PLEKHH2: variants seen among roughly 807,000 people sequenced by gnomAD.
PLEKHH2 encodes the protein pleckstrin homology domain-containing family H member 2.
A neutral mutation model predicts 187.9 loss-of-function variants in PLEKHH2; 129 were observed. The ratio of observed to expected loss-of-function variants is 0.69; its 90% confidence interval spans 0.59 to 0.79. PLEKHH2 has a LOEUF of 0.79. PLEKHH2 is among the 30% of genes least tolerant of loss of function. PLEKHH2 has a pLI of 0.00. For synonymous variants in PLEKHH2, 686 were observed against 605.6 expected (o/e 1.13, Z -1.95); for missense variants, 2,076 against 1,751.2 (o/e 1.19, Z -3.31).
intron 1 of PLEKHH2, among the ~76,000 whole-genome samples, chr2:43,642,881 A>G (rs757772441): frequency 1.1e-4 from 17 of 152,154 alleles, no homozygotes; most frequent in Admixed American, 2.0e-4. Flanking sequence ...ACCAGTATTA[A>G]CCTATTAACA....
At chr2:43,737,148 A>G (rs1671332838) in intron 19 of PLEKHH2, among the ~76,000 whole-genome samples, 1 of 152,188 alleles carries the variant, frequency 6.6e-6, no homozygotes, top group African/African-American at 2.4e-5. Flanking sequence ...GAAACTTAAA[A>G]CAGACCTTGG....
intron 17 of PLEKHH2, among the ~76,000 whole-genome samples, chr2:43,728,562 C>CT (rs112664271): frequency 2.2e-3 from 296 of 135,774 alleles, no homozygotes; most frequent in East Asian, 4.3e-3. Flanking sequence ...ACACAATACT[C>CT]TTTTTTTTTT....
Position 43,729,629 on chromosome 2 carries a change from G to C in PLEKHH2, c.2722-8G>C. The C allele has an allele frequency of 6.4e-7, 1 of 1,567,690 alleles. No homozygotes were observed. The highest frequency in any genetic ancestry group is 8.6e-7 in the Non-Finnish European group (1 of 1,157,468). On this transcript the variant is annotated splice_region_variant and splice_polypyrimidine_tract_variant and intron_variant, in intron 17 of 29. Coordinates refer to ENST00000282406, the MANE Select transcript of PLEKHH2 (RefSeq NM_172069.4). ...CTTAACATTTAATTAATATGTTCTG[G>C]TTTTAAGGACACTTGGCTTTATCAT...
chr2:43,715,826 G>A lies in PLEKHH2; in HGVS notation c.2460+3443G>A, dbSNP rs547359282. ...AGGCAGCAGACCACCAGTCTACATCGGAGAAGAGTGCTGGAGGGCTGGATT... is the reference window on the plus strand; with the variant it reads ...AGGCAGCAGACCACCAGTCTACATCAGAGAAGAGTGCTGGAGGGCTGGATT... On this transcript the variant is annotated intron_variant, in intron 15 of 29. Coordinates refer to ENST00000282406, the MANE Select transcript of PLEKHH2 (RefSeq NM_172069.4). Among the ~76,000 whole-genome samples, 7 of 152,258 alleles carry A rather than the reference G, an allele frequency of 4.6e-5. 1 individual carries two copies. In the East Asian group the frequency reaches 5.8e-4, roughly 13 times the overall value.
intron 3 of PLEKHH2, among the ~76,000 whole-genome samples, chr2:43,685,467 A>G (rs550457080): frequency 9.7e-4 from 147 of 152,282 alleles, no homozygotes; most frequent in African/African-American, 3.3e-3. Flanking sequence ...TTGCTCTGTC[A>G]TCCAGGCTGG....
intron 20 of PLEKHH2, 51 bp downstream of exon 20, chr2:43,738,571 C>G (rs1243732748): frequency 2.1e-6 from 3 of 1,399,486 alleles, no homozygotes. Context: ...GTTTTTTTTT[C>G]TGATTGTAAG....
chr2:43,666,920 T>C (rs1374542800), intron 2 of PLEKHH2, among the ~76,000 whole-genome samples: 1 of 152,170 alleles, frequency 6.6e-6, no homozygotes, highest in Non-Finnish European at 1.5e-5. Context: ...AGTATTGGCT[T>C]AGTAATAGTA....
intron 2 of PLEKHH2, chr2:43,675,753 C>T (rs1363402808): frequency 6.2e-7 from 1 of 1,613,688 alleles, no homozygotes; most frequent in Admixed American, 1.7e-5. Context: ...TTTTCATCAA[C>T]TCTCTGCTTA....
intron 14 of PLEKHH2, chr2:43,711,946 G>A: frequency 4.5e-6 from 5 of 1,115,138 alleles, no homozygotes; most frequent in South Asian, 2.3e-5. Flanking sequence ...AAGCAAGAAA[G>A]GGAAAATGTG....
chr2:43,758,936 C>T lies in PLEKHH2; in HGVS notation c.3978C>T (p.Ala1326=), dbSNP rs1002797113. ...LCQRLSTRWM[A]LRGHSAADCV... ...AGCGACTTTCAACCAGATGGATGGC[C>T]CTCCGGGGACACAGTGCTGCTGACT... The change falls in exon 27 of 30, where the codon GCC becomes GCT. Residue 1326 remains alanine, a synonymous_variant. Coordinates refer to ENST00000282406, the MANE Select transcript of PLEKHH2 (RefSeq NM_172069.4). 1.2e-6 allele frequency: 2 copies of T among 1,601,210 alleles called. No homozygotes were observed. Among genetic ancestry groups the T allele is most frequent in the Non-Finnish European group, 1.7e-6 (2 of 1,170,464 alleles).
chr2:43,735,212 A>G lies in PLEKHH2; in HGVS notation c.2944-3129A>G, dbSNP rs188950408. On this transcript the variant is annotated intron_variant, in intron 19 of 29. Transcript: ENST00000282406. The stretch of plus-strand genomic sequence containing the variant: ...CTCAAAAAAAAGAAAAAAATGTAGT[A>G]TATATACACAATGGAATATTATTCA... Among the ~76,000 whole-genome samples the G allele has an allele frequency of 4.6e-5, 7 of 152,274 alleles. No homozygotes were observed. The East Asian group carries it at 1.4e-3, about 29-fold the overall frequency.
intron 3 of PLEKHH2, among the ~76,000 whole-genome samples, chr2:43,679,160 A>C (rs1356260771): frequency 6.6e-6 from 1 of 152,198 alleles, no homozygotes; most frequent in East Asian, 1.9e-4. Flanking sequence ...TCTGAGAAAA[A>C]TCAAATATGA....
In PLEKHH2 at chr2:43,712,113, T is replaced by C. The variant is rs924921052; in HGVS notation, c.2302-112T>C. On this transcript the variant is annotated intron_variant, in intron 14 of 29. Coordinates refer to ENST00000282406, the MANE Select transcript of PLEKHH2 (RefSeq NM_172069.4). ...TATTTAGAAACTGGGACTTGAGATTTAGCATGTTTGCTTCTGTGTTAAGTA... is the reference window on the plus strand; with the variant it reads ...TATTTAGAAACTGGGACTTGAGATTCAGCATGTTTGCTTCTGTGTTAAGTA... 6 of 1,391,932 alleles carry C rather than the reference T, an allele frequency of 4.3e-6. No homozygotes were observed. In the African/African-American group the frequency reaches 5.8e-5, roughly 14 times the overall value. 86.2% of individuals were successfully genotyped at this position (1,391,932 alleles called of 1,614,324 possible).
At chr2:43,748,509 G>T (rs1671871884) in intron 24 of PLEKHH2, among the ~76,000 whole-genome samples, 1 of 152,214 alleles carries the variant, frequency 6.6e-6, no homozygotes, top group Non-Finnish European at 1.5e-5. Context: ...TCAGGACCAC[G>T]TGGAACATGT....
At chr2:43,690,667 T>C (rs1249996435) in intron 3 of PLEKHH2, among the ~76,000 whole-genome samples, 1 of 152,244 alleles carries the variant, frequency 6.6e-6, no homozygotes, top group African/African-American at 2.4e-5. Context: ...TTTGCCTCTA[T>C]AATCTGAAAC....
chr2:43,736,390 A>G (rs2104583535), intron 19 of PLEKHH2, among the ~76,000 whole-genome samples: 1 of 152,242 alleles, frequency 6.6e-6, no homozygotes, highest in South Asian at 2.1e-4. Context: ...CTTCGGAAAA[A>G]ACTAATGACA....
intron 19 of PLEKHH2, among the ~76,000 whole-genome samples, chr2:43,736,857 G>A (rs189070125): frequency 1.0e-3 from 156 of 152,208 alleles, no homozygotes; most frequent in Middle Eastern, 3.4e-3. Flanking sequence ...GGGCTGAGAG[G>A]AGAGAGCTAA....
intron 22 of PLEKHH2, among the ~76,000 whole-genome samples, chr2:43,743,241 G>A (rs182065779): frequency 5.7e-4 from 86 of 152,130 alleles, no homozygotes; most frequent in African/African-American, 2.0e-3. Context: ...ACTGATACTG[G>A]GTGTGTACAA....
intron 16 of PLEKHH2, among the ~76,000 whole-genome samples, chr2:43,721,752 A>G (rs1670491428): frequency 6.6e-6 from 1 of 152,064 alleles, no homozygotes; most frequent in Admixed American, 6.6e-5. Context: ...TGAGTGTGGT[A>G]GTGTGTGCCT....
Sources: allele counts gnomAD v4.1 joint callset (sites outside exome capture counted in the v4.1 genomes callset), GRCh38; gene constraint gnomAD v4.1.1; transcripts MANE v1.5; gene names NCBI Gene and HGNC (gene_info 2026-07-23, HGNC 2026-07-21).